RBMS1: variants seen among roughly 807,000 people sequenced by gnomAD.
RBMS1 encodes RNA-binding motif, single-stranded-interacting protein 1.
A neutral mutation model predicts 62.3 loss-of-function variants in RBMS1; 17 were observed. That is an observed-to-expected ratio of 0.27 (90% CI 0.19 to 0.41). The LOEUF (loss-of-function observed/expected upper bound fraction) is 0.41, where lower values mean the gene tolerates loss of function less well. Ranked by LOEUF, RBMS1 falls within the 10% of genes least tolerant of loss-of-function variation. RBMS1 has a pLI of 1.00. For synonymous variants in RBMS1, 172 were observed against 170.0 expected, an observed-to-expected ratio of 1.01 and a Z score of -0.09; for missense variants, 334 against 504.5, an observed-to-expected ratio of 0.66 and a Z score of 3.24.
chr2:160,329,033 TA>T (rs1343980360), intron 2 of RBMS1, among the ~76,000 whole-genome samples: 1 of 152,168 alleles, frequency 6.6e-6, no homozygotes, highest in Non-Finnish European at 1.5e-5. Flanking sequence ...TGATACAAGC[TA>T]AAAAGGCAAG....
chr2:160,372,342 CCCACCACCACCACCACGA>C (rs1322027840), intron 1 of RBMS1, among the ~76,000 whole-genome samples: 1 of 152,012 alleles, frequency 6.6e-6, no homozygotes, highest in African/African-American at 2.4e-5. Context: ...TGCCCCTACA[CCCACCACCACCACCACGA>C]CCACCACCAC....
chr2:160,284,912 G>T (rs1688290919), intron 8 of RBMS1, 44 bp from the exon 9 acceptor site: 10 of 1,566,866 alleles, frequency 6.4e-6, no homozygotes, highest in Non-Finnish European at 8.8e-6. Context: ...CCTTTAAATA[G>T]AATAATTCAT....
At chr2:160,324,894 A>G (rs1231084940) in intron 2 of RBMS1, among the ~76,000 whole-genome samples, 26 of 105,954 alleles carry the variant, frequency 2.5e-4, no homozygotes, top group East Asian at 9.7e-4. Flanking sequence ...ATATATATAT[A>G]TATATATATA....
chr2:160,295,284 G>A (rs1262533158), intron 6 of RBMS1, among the ~76,000 whole-genome samples: 3 of 152,200 alleles, frequency 2.0e-5, no homozygotes, highest in Non-Finnish European at 2.9e-5. Context: ...TTAGAAACCT[G>A]TTGGTAACTT....
intron 2 of RBMS1, among the ~76,000 whole-genome samples, chr2:160,345,862 A>G (rs1210347723): frequency 1.3e-5 from 2 of 152,120 alleles, no homozygotes; most frequent in African/African-American, 4.8e-5. Flanking sequence ...GCTAGATTTA[A>G]AACTTAAAGA....
At chr2:160,476,989 C>T (rs1478253405) in intron 1 of RBMS1, among the ~76,000 whole-genome samples, 3 of 152,182 alleles carry the variant, frequency 2.0e-5, no homozygotes, top group Non-Finnish European at 2.9e-5. Flanking sequence ...CCTTTTCTTT[C>T]CTGATATTTT....
At chr2:160,485,234 C>T (rs184854619) in intron 1 of RBMS1, among the ~76,000 whole-genome samples, 17 of 152,334 alleles carry the variant, frequency 1.1e-4, no homozygotes, top group Admixed American at 5.2e-4. Context: ...AGCTCCAGCA[C>T]AAACTCCCTG....
intron 1 of RBMS1, among the ~76,000 whole-genome samples, chr2:160,445,337 C>T (rs1683599009): frequency 6.6e-6 from 1 of 152,082 alleles, no homozygotes; most frequent in Non-Finnish European, 1.5e-5. Context: ...AGATTTTTAG[C>T]ATAACTAGAT....
intron 1 of RBMS1, among the ~76,000 whole-genome samples, chr2:160,389,698 C>CAAAA (rs61570926): frequency 3.2e-4 from 16 of 50,380 alleles, no homozygotes; most frequent in East Asian, 1.4e-3. Flanking sequence ...ACTCTTGTCT[C>CAAAA]AAAAAAAAAA....
At chr2:160,419,361 G>C (rs1014845558) in intron 1 of RBMS1, among the ~76,000 whole-genome samples, 2 of 152,046 alleles carry the variant, frequency 1.3e-5, no homozygotes, top group African/African-American at 4.8e-5. Flanking sequence ...TTTTAAAAAT[G>C]AATCATAATT....
intron 9 of RBMS1, chr2:160,283,832 G>T (rs1014670718): frequency 8.5e-5 from 13 of 152,156 alleles, no homozygotes; most frequent in African/African-American, 2.9e-4. Flanking sequence ...CTATGAGATA[G>T]AAACTATTAT....
chr2:160,486,205 T>C (rs962554211), intron 1 of RBMS1, among the ~76,000 whole-genome samples: 1 of 152,158 alleles, frequency 6.6e-6, no homozygotes, highest in African/African-American at 2.4e-5. Flanking sequence ...GGAAATAGTA[T>C]AGTATTATTT....
chr2:160,383,460 G>GT (rs1694394735), intron 1 of RBMS1, among the ~76,000 whole-genome samples: 1 of 149,662 alleles, frequency 6.7e-6, no homozygotes, highest in Non-Finnish European at 1.5e-5. Context: ...AATTGGGGGG[G>GT]GGGGAACTGA....
intron 13 of RBMS1, 76 bp downstream of exon 13, chr2:160,275,554 C>T: frequency 6.5e-7 from 1 of 1,541,328 alleles, no homozygotes; most frequent in Non-Finnish European, 8.8e-7. Flanking sequence ...TCCCAATCAC[C>T]ATTCTGATTT....
chr2:160,313,123 G>C, intron 4 of RBMS1, 33 bp downstream of exon 4: 1 of 1,600,440 alleles, frequency 6.2e-7, no homozygotes, highest in Non-Finnish European at 8.6e-7. Flanking sequence ...CAAAGCTGTG[G>C]AACAGAGAAG....
At chr2:160,352,028 C>G (rs1002121284) in intron 2 of RBMS1, among the ~76,000 whole-genome samples, 3 of 152,114 alleles carry the variant, frequency 2.0e-5, no homozygotes, top group African/African-American at 7.2e-5. Context: ...TCCACAGACA[C>G]ATGAACCTGA....
intron 1 of RBMS1, among the ~76,000 whole-genome samples, chr2:160,443,117 A>C (rs989770229): frequency 3.3e-5 from 5 of 151,860 alleles, no homozygotes; most frequent in African/African-American, 1.2e-4. Context: ...GAGGCAGAAG[A>C]ATTGCTGGAA....
At chr2:160,367,602 T>C in intron 1 of RBMS1, 1 of 807,460 alleles carries the variant, frequency 1.2e-6, no homozygotes. Context: ...AAGTAAAAGT[T>C]CTCTATGTGC....
chr2:160,438,715 C>T (rs1204826510), intron 1 of RBMS1, among the ~76,000 whole-genome samples: 1 of 152,234 alleles, frequency 6.6e-6, no homozygotes, highest in Admixed American at 6.5e-5. Context: ...CACCTTTCCC[C>T]CCTTTCTATT....
Sources: gnomAD v4.1 joint callset for allele counts (sites outside exome capture counted in the v4.1 genomes callset) on GRCh38, gnomAD v4.1.1 for gene constraint, MANE v1.5 for transcripts, NCBI Gene and HGNC (gene_info 2026-07-23, HGNC 2026-07-21) for gene names.